METTL25: variants seen among roughly 807,000 people sequenced by gnomAD.
The protein encoded by METTL25 is probable methyltransferase-like protein 25.
Under a neutral mutation model 71.6 loss-of-function variants are expected in METTL25, and 64 were observed. The ratio of observed to expected loss-of-function variants is 0.89; its 90% CI spans 0.73 to 1.10. The LOEUF is 1.10. METTL25 is among the 50% of genes least tolerant of loss of function. METTL25 has a pLI of 0.00. For synonymous variants in METTL25, 287 were observed against 250.3 expected (o/e 1.15, Z -1.38); for missense variants, 807 against 707.0 (o/e 1.14, Z -1.60).
At chr12:82,414,627 G>A (rs1222409388) in intron 5 of METTL25, among the ~76,000 whole-genome samples, 1 of 152,072 alleles carries the variant, frequency 6.6e-6, no homozygotes, top group African/African-American at 2.4e-5. Flanking sequence ...CTTAAAAGAA[G>A]TAGTAAAGAG....
intron 8 of METTL25, among the ~76,000 whole-genome samples, chr12:82,452,846 T>C (rs1437980910): frequency 6.6e-6 from 1 of 152,122 alleles, no homozygotes; most frequent in African/African-American, 2.4e-5. Flanking sequence ...TTGAATATTT[T>C]ATTTTATCCT....
rs972464079 is a variant in METTL25 at position 82,386,906 on chromosome 12, A to G, written c.363A>G (p.Gly121=). The change falls in exon 2 of 12, where the codon GGA becomes GGG. Residue 121 remains glycine (G), a synonymous_variant. Transcript: ENST00000248306. ...AATACTATTCTGTACAAAACTTGGGAATATGTACTCCTTTTGAACAGTTGC... is the reference window on the plus strand; with the variant it reads ...AATACTATTCTGTACAAAACTTGGGGATATGTACTCCTTTTGAACAGTTGC... ...AAKYYSVQNL[G]ICTPFEQLLV... 1.2e-6 allele frequency: 2 copies of G among 1,613,504 alleles called. No individual in the cohort carries two copies. Among genetic ancestry groups the G allele is most frequent in the Non-Finnish European group, 1.7e-6 (2 of 1,179,630 alleles).
intron 1 of METTL25, among the ~76,000 whole-genome samples, chr12:82,382,658 A>G (rs1364696681): frequency 6.6e-6 from 1 of 152,230 alleles, no homozygotes; most frequent in East Asian, 1.9e-4. Flanking sequence ...AAGATTTTAC[A>G]AAGATATTTC....
At chr12:82,417,835 T>C (rs1001317029) in intron 5 of METTL25, among the ~76,000 whole-genome samples, 1 of 152,036 alleles carries the variant, frequency 6.6e-6, no homozygotes. Flanking sequence ...CAGGAGAAGC[T>C]TTGTTGTTAA....
intron 5 of METTL25, among the ~76,000 whole-genome samples, chr12:82,411,556 A>G (rs1258292405): frequency 6.6e-6 from 1 of 151,364 alleles, no homozygotes; most frequent in Non-Finnish European, 1.5e-5. Context: ...AAATGGTAAG[A>G]AAAAAAAAGC....
intron 8 of METTL25, among the ~76,000 whole-genome samples, chr12:82,445,959 A>G (rs748289217): frequency 8.5e-4 from 130 of 152,208 alleles, no homozygotes; most frequent in Non-Finnish European, 1.6e-3. Flanking sequence ...GCTTTGGAGT[A>G]GTCAACAGTT....
rs1362463444 is a variant in METTL25, at chr12:82,386,843, G to A, written c.300G>A (p.Gln100=). Residue 100 remains glutamine, a synonymous_variant, in exon 2 of 12, where the codon CAG becomes CAA. Coordinates refer to ENST00000248306, the MANE Select transcript of METTL25 (RefSeq NM_032230.3). ...DFPKIFCETS[Q]KLVSVEAFAL... ...CCAAAATATTTTGTGAAACTTCTCA[G>A]AAGTTGGTGAGTGTGGAAGCCTTTG... 6.2e-7 allele frequency: 1 copy of A among 1,613,262 alleles called. No homozygotes were observed. The highest frequency in any genetic ancestry group is 1.7e-5 in the Admixed American group (1 of 59,890).
intron 5 of METTL25, chr12:82,407,877 A>T (rs948544657): frequency 8.1e-6 from 8 of 985,162 alleles, no homozygotes; most frequent in Non-Finnish European, 9.6e-6. Flanking sequence ...AAAAGGTAAC[A>T]TACTCCCTTT....
chr12:82,400,620 T>A (rs1020851611), intron 4 of METTL25, among the ~76,000 whole-genome samples: 1 of 152,096 alleles, frequency 6.6e-6, no homozygotes, highest in African/African-American at 2.4e-5. Context: ...TTTTGTCACC[T>A]TCTAATTTTC....
At chr12:82,369,541 TGA>T (rs1283332010) in intron 1 of METTL25, 1 of 439,410 alleles carries the variant, frequency 2.3e-6, no homozygotes, top group East Asian at 7.6e-5. Flanking sequence ...ACTTCAAGAA[TGA>T]AGCCGCGGAC....
At chr12:82,440,798 G>C (rs974993324) in intron 8 of METTL25, among the ~76,000 whole-genome samples, 7 of 152,046 alleles carry the variant, frequency 4.6e-5, no homozygotes, top group African/African-American at 1.4e-4. Context: ...GCACATGCGT[G>C]TGTGTGTTTA....
chr12:82,359,044 A>G (rs1881404913), intron 1 of METTL25: 1 of 600,626 alleles, frequency 1.7e-6, no homozygotes, highest in East Asian at 2.8e-5. Context: ...GTATGTCCAC[A>G]ATTTAAAGAA....
chr12:82,450,190 T>C (rs1320994098), intron 8 of METTL25, among the ~76,000 whole-genome samples: 2 of 152,120 alleles, frequency 1.3e-5, no homozygotes, highest in Non-Finnish European at 2.9e-5. Context: ...GCTTTTTTTT[T>C]CTGTCTATAC....
intron 9 of METTL25, among the ~76,000 whole-genome samples, chr12:82,471,198 A>G (rs1892549727): frequency 6.6e-6 from 1 of 152,228 alleles, no homozygotes; most frequent in Admixed American, 6.5e-5. Flanking sequence ...TGCAACATGC[A>G]TAAACCTGGG....
chr12:82,400,589 T>TAAAAAA (rs5799584), intron 4 of METTL25, among the ~76,000 whole-genome samples: 12 of 152,002 alleles, frequency 7.9e-5, no homozygotes, highest in South Asian at 6.2e-4. Context: ...TAGTTTAACT[T>TAAAAAA]AAATGTAAAT....
intron 1 of METTL25, 132 bp downstream of exon 1, chr12:82,358,956 G>A: frequency 9.4e-7 from 1 of 1,062,672 alleles, no homozygotes; most frequent in Non-Finnish European, 1.4e-6. Context: ...CTGGGAAACC[G>A]AGGAGGGGTC....
chr12:82,373,542 G>A (rs1330918680), intron 1 of METTL25, among the ~76,000 whole-genome samples: 1 of 152,194 alleles, frequency 6.6e-6, no homozygotes, highest in Non-Finnish European at 1.5e-5. Flanking sequence ...TAGCCTTGGA[G>A]AAGAGAGGTG....
At chr12:82,422,358 T>C (rs1321739979) in intron 5 of METTL25, among the ~76,000 whole-genome samples, 2 of 152,182 alleles carry the variant, frequency 1.3e-5, no homozygotes, top group African/African-American at 4.8e-5. Flanking sequence ...CCCTTCATGC[T>C]AAAAACTCTC....
At chr12:82,375,290 T>A (rs1883715761) in intron 1 of METTL25, among the ~76,000 whole-genome samples, 1 of 152,034 alleles carries the variant, frequency 6.6e-6, no homozygotes, top group Non-Finnish European at 1.5e-5. Flanking sequence ...TTAGTGCCCG[T>A]ATAAAAGAGG....
Sources: allele counts gnomAD v4.1 joint callset (sites outside exome capture counted in the v4.1 genomes callset), GRCh38; gene constraint gnomAD v4.1.1; transcripts MANE v1.5; gene names NCBI Gene and HGNC (gene_info 2026-07-23, HGNC 2026-07-21).